SYN2: variants seen among roughly 807,000 people sequenced by gnomAD.
SYN2 encodes the protein synapsin-2.
In SYN2, 19 loss-of-function variants were observed where a neutral mutation model predicts 50.9. That is an observed-to-expected ratio of 0.37 (90% confidence interval 0.26 to 0.55). SYN2 has a LOEUF of 0.55. Ranked by LOEUF, SYN2 falls within the 20% of genes least tolerant of loss-of-function variation. The probability of loss-of-function intolerance (pLI) is 0.81; values close to 1 mark genes in which losing one functional copy is unlikely to be tolerated. For missense variants in SYN2, 587 were observed against 576.4 expected, an observed-to-expected ratio of 1.02 and a Z score of -0.19; for synonymous variants, 255 against 224.9, an observed-to-expected ratio of 1.13 and a Z score of -1.20.
At chr3:12,077,245 A>G (rs1237310001) in intron 1 of SYN2, among the ~76,000 whole-genome samples, 1 of 152,080 alleles carries the variant, frequency 6.6e-6, no homozygotes, top group Non-Finnish European at 1.5e-5. Flanking sequence ...TCATATAAGA[A>G]TAACTCTAAG....
At chr3:12,011,324 A>G (rs769547027) in intron 1 of SYN2, among the ~76,000 whole-genome samples, 7 of 152,328 alleles carry the variant, frequency 4.6e-5, no homozygotes, top group African/African-American at 1.2e-4. Flanking sequence ...TAAAGCTACA[A>G]TATCTCTTTA....
chr3:12,132,642 C>T (rs1574957986), intron 1 of SYN2, among the ~76,000 whole-genome samples: 3 of 152,284 alleles, frequency 2.0e-5, no homozygotes, highest in East Asian at 1.9e-4. Flanking sequence ...CTGTTTTTCT[C>T]TGGACCATTT....
intron 1 of SYN2, among the ~76,000 whole-genome samples, chr3:12,060,765 C>T (rs1179643089): frequency 6.6e-6 from 1 of 152,112 alleles, no homozygotes; most frequent in East Asian, 1.9e-4. Flanking sequence ...GCTAGATTAA[C>T]ATAAAACTTC....
At chr3:12,107,875 C>T (rs1039880877) in intron 1 of SYN2, among the ~76,000 whole-genome samples, 1 of 152,162 alleles carries the variant, frequency 6.6e-6, no homozygotes, top group Non-Finnish European at 1.5e-5. Flanking sequence ...CAACAAATCT[C>T]CTAGAATACA....
At chr3:12,161,036 T>C (rs1697634341) in intron 5 of SYN2, among the ~76,000 whole-genome samples, 1 of 152,066 alleles carries the variant, frequency 6.6e-6, no homozygotes, top group Non-Finnish European at 1.5e-5. Context: ...TGGTGAGCAG[T>C]GAAGAGTGTG....
At chr3:12,102,374 G>A (rs1261207529) in intron 1 of SYN2, among the ~76,000 whole-genome samples, 1 of 152,090 alleles carries the variant, frequency 6.6e-6, no homozygotes, top group Non-Finnish European at 1.5e-5. Flanking sequence ...AAACTCCATG[G>A]ACACTTTATG....
chr3:12,123,864 A>C (rs1696611857), intron 1 of SYN2, among the ~76,000 whole-genome samples: 1 of 152,078 alleles, frequency 6.6e-6, no homozygotes, highest in African/African-American at 2.4e-5. Flanking sequence ...CAAAAAAATC[A>C]GCCAAGTGTG....
chr3:12,031,263 T>A (rs1343434566), intron 1 of SYN2, among the ~76,000 whole-genome samples: 2 of 127,862 alleles, frequency 1.6e-5, no homozygotes, highest in African/African-American at 2.8e-5. Flanking sequence ...ATAATTTCTG[T>A]TCTTTTACAT....
intron 5 of SYN2, among the ~76,000 whole-genome samples, chr3:12,151,626 C>T (rs1320441920): frequency 1.3e-5 from 2 of 152,238 alleles, no homozygotes; most frequent in African/African-American, 4.8e-5. Flanking sequence ...CTGGCTCTGC[C>T]ACTTGTCATT....
chr3:12,005,181 A>G (rs1157484405), intron 1 of SYN2, among the ~76,000 whole-genome samples: 2 of 152,156 alleles, frequency 1.3e-5, no homozygotes, highest in South Asian at 4.1e-4. Flanking sequence ...GTCCCATACA[A>G]GAAGGAGCTA....
chr3:12,069,036 T>C (rs1695282112), intron 1 of SYN2, among the ~76,000 whole-genome samples: 1 of 152,340 alleles, frequency 6.6e-6, no homozygotes, highest in South Asian at 2.1e-4. Flanking sequence ...TCTCCTGTCA[T>C]TGGCTTTTTT....
rs1304276009 is a variant in SYN2, at chr3:12,078,102, C to T, written c.378-62549C>T. 7.9e-5 allele frequency among the ~76,000 whole-genome samples: 12 copies of T among 151,806 alleles called. No individual in the cohort carries two copies. The South Asian group carries it at 8.3e-4, about 11-fold the overall frequency. The stretch of plus-strand genomic sequence containing the variant: ...TGAGCTTTTTTTCATGTTTGCTGGC[C>T]GTATGAATGTCTTCTTTTGAGAAGT... On this transcript the variant is annotated intron_variant, in intron 1 of 12. Coordinates refer to ENST00000621198, the MANE Select transcript of SYN2 (RefSeq NM_133625.6).
intron 1 of SYN2, among the ~76,000 whole-genome samples, chr3:12,083,566 G>C (rs1002044730): frequency 6.6e-6 from 1 of 152,140 alleles, no homozygotes; most frequent in African/African-American, 2.4e-5. Context: ...TTCAGGGTTA[G>C]GAAAATCCTT....
At position 12,126,704 on chromosome 3, in the gene SYN2, T is replaced by C. The variant is rs557674197; in HGVS notation, c.378-13947T>C. On this transcript the variant is annotated intron_variant, in intron 1 of 12. Transcript: ENST00000621198. Reference sequence around the variant, plus strand: ...ACAAGTTACTTAATCTCTTTGTGCCTTAGTTATCTGTAAATTTGGGAGATA... The same window carrying C: ...ACAAGTTACTTAATCTCTTTGTGCCCTAGTTATCTGTAAATTTGGGAGATA... Among the ~76,000 whole-genome samples the C allele has an allele frequency of 1.4e-3, 207 of 152,358 alleles. 1 individual carries two copies. The highest frequency in any genetic ancestry group is 3.2e-3 in the Admixed American group (49 of 15,304).
chr3:12,117,359 ACTTT>A (rs1459543354), intron 1 of SYN2, among the ~76,000 whole-genome samples: 2 of 152,180 alleles, frequency 1.3e-5, no homozygotes, highest in Non-Finnish European at 2.9e-5. Flanking sequence ...TTGAGTGACA[ACTTT>A]CTTAGGTACT....
At chr3:12,010,362 A>T (rs974883367) in intron 1 of SYN2, among the ~76,000 whole-genome samples, 1 of 139,532 alleles carries the variant, frequency 7.2e-6, no homozygotes, top group Non-Finnish European at 1.5e-5. Context: ...AGATGTGCAT[A>T]CCTCCTCAAA....
In SYN2 at chr3:12,096,349, G is replaced by T. The variant is rs565778368; in HGVS notation, c.378-44302G>T. Among the ~76,000 whole-genome samples, 5 of 152,226 alleles carry T rather than the reference G, an allele frequency of 3.3e-5. No individual in the cohort carries two copies. In the South Asian group the frequency reaches 1.0e-3, roughly 32 times the overall value. Reference sequence around the variant, plus strand: ...TTTTCACATTAAAAGACAGATTCTTGTTGGCTCCTTCAGAGTATTACAGCA... The same window carrying T: ...TTTTCACATTAAAAGACAGATTCTTTTTGGCTCCTTCAGAGTATTACAGCA... On this transcript the variant is annotated intron_variant, in intron 1 of 12. Coordinates refer to ENST00000621198, the MANE Select transcript of SYN2 (RefSeq NM_133625.6).
intron 1 of SYN2, among the ~76,000 whole-genome samples, chr3:12,096,381 G>C (rs1327268172): frequency 1.3e-5 from 2 of 152,052 alleles, no homozygotes; most frequent in African/African-American, 4.8e-5. Flanking sequence ...AGCAGGTCAG[G>C]GGGTGGCTTA....
intron 1 of SYN2, among the ~76,000 whole-genome samples, chr3:12,101,418 T>C (rs1696073070): frequency 2.0e-5 from 3 of 152,176 alleles, no homozygotes; most frequent in Admixed American, 2.0e-4. Context: ...TTCATTTATA[T>C]GAAATGTCCA....
Sources: allele counts gnomAD v4.1 joint callset (sites outside exome capture counted in the v4.1 genomes callset), GRCh38; gene constraint gnomAD v4.1.1; transcripts MANE v1.5; gene names NCBI Gene and HGNC (gene_info 2026-07-23, HGNC 2026-07-21).